Variants in CHODL observed in about 807,000 individuals in gnomAD.
The protein encoded by CHODL is transmembrane protein MT75.
In CHODL, 29 loss-of-function variants were observed where a neutral mutation model predicts 34.5. The observed-to-expected ratio is 0.84, with a 90% confidence interval of 0.63 to 1.15. The LOEUF (loss-of-function observed/expected upper bound fraction) is 1.15. Among genes scored for constraint, CHODL ranks in the 50% most tolerant of loss-of-function variants. CHODL has a pLI of 0.00. For synonymous variants in CHODL, 125 were observed against 116.1 expected (o/e 1.08, Z -0.49); for missense variants, 332 against 332.5 (o/e 1.00, Z 0.01).
chr21:17,927,152 A>ATATATGTATATATGTATATATATG (rs1555837435), intron 1 of CHODL, among the ~76,000 whole-genome samples: 5 of 57,834 alleles, frequency 8.6e-5, no homozygotes, highest in African/African-American at 2.8e-4. Flanking sequence ...GTATATATGT[A>ATATATGTATATATGTATATATATG]TATATATGTA....
chr21:18,206,591 T>A (rs1381099774), intron 2 of CHODL, among the ~76,000 whole-genome samples: 3 of 150,836 alleles, frequency 2.0e-5, no homozygotes, highest in Non-Finnish European at 4.4e-5. Flanking sequence ...TTTCTTTGTA[T>A]TTTTTTTTAA....
At chr21:18,203,447 A>G (rs975936393) in intron 2 of CHODL, among the ~76,000 whole-genome samples, 73 of 152,292 alleles carry the variant, frequency 4.8e-4, no homozygotes, top group African/African-American at 1.6e-3. Flanking sequence ...TCTAAGTTGC[A>G]TTTAAATCTC....
At chr21:18,151,488 T>TG (rs750476153) in intron 2 of CHODL, among the ~76,000 whole-genome samples, 2 of 152,220 alleles carry the variant, frequency 1.3e-5, no homozygotes, top group African/African-American at 2.4e-5. Context: ...CTGTATCCTT[T>TG]GTAATATTCT....
At chr21:18,091,091 T>C (rs1269875415) in intron 2 of CHODL, among the ~76,000 whole-genome samples, 1 of 152,204 alleles carries the variant, frequency 6.6e-6, no homozygotes, top group Non-Finnish European at 1.5e-5. Context: ...AATGTTTCCC[T>C]GTCACAGCAG....
Position 18,148,562 on chromosome 21 carries a change from C to T in CHODL, c.-44-107947C>T, listed in dbSNP as rs370753025. Among the ~76,000 whole-genome samples, 9 of 152,196 alleles carry T rather than the reference C, an allele frequency of 5.9e-5. No homozygotes were observed. In the East Asian group the frequency reaches 1.7e-3, roughly 29 times the overall value. On this transcript the variant is annotated intron_variant, in intron 2 of 6. Transcript: ENST00000400127. Reference sequence around the variant, plus strand: ...TCTTTTTTTAGAAATGGATACAGTACAACCCATATTGAGTCATTTATGAGG... The same window carrying T: ...TCTTTTTTTAGAAATGGATACAGTATAACCCATATTGAGTCATTTATGAGG...
rs2073993376 is a variant in CHODL at position 18,232,926 on chromosome 21, G to A, written c.-44-23583G>A. 2.5e-5 allele frequency among the ~76,000 whole-genome samples: 3 copies of A among 119,432 alleles called. No individual in the cohort carries two copies. In the South Asian group the frequency reaches 7.6e-4, roughly 30 times the overall value. The allele number at this position is 119,432 out of a possible 152,430, so 78.4% of individuals were successfully genotyped here. A position where few individuals can be genotyped will look rare whatever the true frequency, so the allele number is the denominator to read the frequency against. On this transcript the variant is annotated intron_variant, in intron 2 of 6. Transcript: ENST00000400127. ...TTATAATGGTCCATATAATTATGGG[G>A]TCCACATGATGTTATGATATATATA...
At chr21:18,204,377 A>G (rs1187471173) in intron 2 of CHODL, among the ~76,000 whole-genome samples, 1 of 152,200 alleles carries the variant, frequency 6.6e-6, no homozygotes, top group East Asian at 1.9e-4. Flanking sequence ...CAGCTTACCA[A>G]TTAAGATGTT....
At position 17,987,147 on chromosome 21, in the gene CHODL, G is replaced by A. The variant is rs189966849; in HGVS notation, c.-144-40725G>A. Among the ~76,000 whole-genome samples, 5 of 152,224 alleles carry A rather than the reference G, an allele frequency of 3.3e-5. No homozygotes were observed. In the East Asian group the frequency reaches 7.7e-4, roughly 23 times the overall value. On this transcript the variant is annotated intron_variant, in intron 1 of 6. Transcript: ENST00000400127. The stretch of plus-strand genomic sequence containing the variant: ...AATAGATGGGGAGGAGGTTATAGCT[G>A]CTTTCACAGTAAGATCTATTAATTT...
intron 1 of CHODL, among the ~76,000 whole-genome samples, chr21:17,952,921 G>C (rs1159968914): frequency 6.6e-6 from 1 of 152,118 alleles, no homozygotes; most frequent in Non-Finnish European, 1.5e-5. Flanking sequence ...AGGAGAGAAA[G>C]ACAGTAGGAG....
intron 1 of CHODL, among the ~76,000 whole-genome samples, chr21:18,248,082 A>G (rs2074165778): frequency 6.6e-6 from 1 of 151,148 alleles, no homozygotes; most frequent in African/African-American, 2.4e-5. Flanking sequence ...GCAAAATGAC[A>G]TTAGGAATAT....
At chr21:18,223,685 A>T (rs903184143) in intron 2 of CHODL, among the ~76,000 whole-genome samples, 5 of 152,074 alleles carry the variant, frequency 3.3e-5, no homozygotes, top group African/African-American at 1.2e-4. Context: ...CCTCAAACCC[A>T]CCAGCACCAA....
intron 2 of CHODL, among the ~76,000 whole-genome samples, chr21:18,101,452 T>C (rs2065212185): frequency 6.6e-6 from 1 of 152,190 alleles, no homozygotes; most frequent in African/African-American, 2.4e-5. Context: ...ATTTCTACCT[T>C]GTTTCTATTT....
At position 18,083,381 on chromosome 21, in the gene CHODL, G is replaced by A. The variant is rs73198544; in HGVS notation, c.-45+55410G>A. 5.2e-3 allele frequency among the ~76,000 whole-genome samples: 787 copies of A among 152,358 alleles called. 8 individuals are homozygous for A. Among genetic ancestry groups the A allele is most frequent in the Middle Eastern group, 0.024 (7 of 294 alleles). On this transcript the variant is annotated intron_variant, in intron 2 of 6. Transcript: ENST00000400127. Reference sequence around the variant, plus strand: ...GGAGAGCCTCTGCTAGGGCAGTCTGGAATGAAAATGTGGGGTTAAAGCCCC... The same window carrying A: ...GGAGAGCCTCTGCTAGGGCAGTCTGAAATGAAAATGTGGGGTTAAAGCCCC...
At chr21:18,246,720 T>C (rs2074146358) in intron 1 of CHODL, among the ~76,000 whole-genome samples, 3 of 152,296 alleles carry the variant, frequency 2.0e-5, no homozygotes, top group African/African-American at 7.2e-5. Context: ...CTCATTGACC[T>C]AAATAATATC....
chr21:17,924,469 G>A (rs942947920), intron 1 of CHODL, among the ~76,000 whole-genome samples: 3 of 152,220 alleles, frequency 2.0e-5, no homozygotes, highest in Admixed American at 2.0e-4. Flanking sequence ...TGGAGCAGCT[G>A]TGCACTTTCC....
intron 1 of CHODL, among the ~76,000 whole-genome samples, chr21:17,948,302 A>G (rs1316587763): frequency 3.2e-5 from 4 of 126,588 alleles, no homozygotes; most frequent in Non-Finnish European, 6.7e-5. Flanking sequence ...CTACAAAGAT[A>G]AAAAGAAGAA....
At chr21:18,070,848 G>A (rs1400084402) in intron 2 of CHODL, among the ~76,000 whole-genome samples, 1 of 151,390 alleles carries the variant, frequency 6.6e-6, no homozygotes, top group East Asian at 1.9e-4. Flanking sequence ...AAGTAACTAT[G>A]GAAACTTGGG....
In CHODL at chr21:18,260,271, G is replaced by T; in HGVS notation, c.619G>T (p.Val207Phe). The change falls in exon 4 of 6, where the codon GTT (valine) becomes TTT (phenylalanine). Residue 207 changes from valine to phenylalanine, a missense_variant. Val to Phe is a conservative substitution (Grantham distance 50). Coordinates refer to ENST00000299295, the MANE Select transcript of CHODL (RefSeq NM_024944.3). ...ACCAGGAGACACCCATCAGAATGTG[G>T]TTGTTACTGAAGCAGGTAATTACTT... The part of the protein sequence containing the change: ...NQPGDTHQNV[V>F]VTEAGIIPNL... 3.1e-6 allele frequency: 5 copies of T among 1,588,532 alleles called. No homozygotes were observed. The highest frequency in any genetic ancestry group is 4.3e-6 in the Non-Finnish European group (5 of 1,168,622).
intron 1 of CHODL, among the ~76,000 whole-genome samples, chr21:17,930,423 A>AG (rs2063263118): frequency 6.6e-6 from 1 of 152,158 alleles, no homozygotes; most frequent in Admixed American, 6.5e-5. Flanking sequence ...TTTATGCCAG[A>AG]GGGAGGTATG....
Sources: allele counts gnomAD v4.1 joint callset (sites outside exome capture counted in the v4.1 genomes callset), GRCh38; gene constraint gnomAD v4.1.1; transcripts MANE v1.5; gene names NCBI Gene and HGNC (gene_info 2026-07-23, HGNC 2026-07-21).